UPRT: variants seen among roughly 807,000 people sequenced by gnomAD.
The protein encoded by UPRT is RP11-311P8.3.
A neutral mutation model predicts 22.6 loss-of-function variants in UPRT; 5 were observed. The observed-to-expected ratio is 0.22, with a 90% CI of 0.12 to 0.47. The LOEUF is 0.47. UPRT is among the 20% of genes least tolerant of loss of function. UPRT has a pLI of 0.99. For synonymous variants in UPRT, 77 were observed against 87.7 expected (o/e 0.88, Z 0.68); for missense variants, 181 against 239.9 (o/e 0.75, Z 1.62).
intron 2 of UPRT, 114 bp from the exon 3 acceptor site, chrX:75,296,228 G>T: frequency 1.4e-6 from 1 of 704,028 alleles, no homozygotes; most frequent in Non-Finnish European, 2.1e-6. Flanking sequence ...GCCTCCACAA[G>T]TGAAACCTTT....
intron 4 of UPRT, among the ~76,000 whole-genome samples, chrX:75,185,285 T>G (rs1460106909): frequency 1.0e-3 from 114 of 112,062 alleles, no homozygotes; most frequent in Non-Finnish European, 6.4e-4. Flanking sequence ...TAATCATGTG[T>G]TTTTTGTCTT....
At chrX:75,219,238 A>G (rs2082403014) in intron 4 of UPRT, among the ~76,000 whole-genome samples, 1 of 111,926 alleles carries the variant, frequency 8.9e-6, no homozygotes, top group African/African-American at 3.2e-5. Flanking sequence ...TAAGTAGTCC[A>G]TAAGGATCTC....
chrX:75,156,812 C>A, intron 1 of UPRT: 1 of 313,472 alleles, frequency 3.2e-6, no homozygotes, highest in Non-Finnish European at 6.1e-6. Context: ...GCTTTTCTGT[C>A]CTGTAAGGAC....
chrX:75,218,743 A>T (rs1467578318), intron 4 of UPRT, among the ~76,000 whole-genome samples: 1 of 102,338 alleles, frequency 9.8e-6, no homozygotes, highest in Non-Finnish European at 2.0e-5. Flanking sequence ...TTGTAGGGAC[A>T]TGGATGAAAT....
intron 4 of UPRT, among the ~76,000 whole-genome samples, chrX:75,266,231 C>G (rs775215990): frequency 9.0e-6 from 1 of 111,109 alleles, no homozygotes; most frequent in African/African-American, 3.3e-5. Flanking sequence ...GGTTCTGGTA[C>G]CAAAACAGAG....
At chrX:75,168,191 T>C (rs1013532367) in intron 4 of UPRT, among the ~76,000 whole-genome samples, 1 of 112,321 alleles carries the variant, frequency 8.9e-6, no homozygotes, top group African/African-American at 3.2e-5. Context: ...TGTAGTAAAT[T>C]GATGCCTACA....
At chrX:75,247,137 G>C (rs2082509535) in intron 4 of UPRT, among the ~76,000 whole-genome samples, 1 of 110,951 alleles carries the variant, frequency 9.0e-6, no homozygotes. Flanking sequence ...AAAAAAAACA[G>C]AGCTCCCAGC....
intron 4 of UPRT, among the ~76,000 whole-genome samples, chrX:75,177,936 G>A (rs1359185889): frequency 8.9e-6 from 1 of 112,477 alleles, no homozygotes; most frequent in South Asian, 3.7e-4. Context: ...GAGGTGAGAG[G>A]AAGTTTCTCT....
intron 4 of UPRT, among the ~76,000 whole-genome samples, chrX:75,261,831 G>A: frequency 9.0e-6 from 1 of 111,523 alleles, no homozygotes; most frequent in Non-Finnish European, 1.9e-5. Context: ...CCACGATCAG[G>A]TGGGCTTCAT....
At chrX:75,297,257 A>G (rs1490128198) in intron 3 of UPRT, among the ~76,000 whole-genome samples, 1 of 111,813 alleles carries the variant, frequency 8.9e-6, no homozygotes, top group East Asian at 2.8e-4. Context: ...TCCTATTCCC[A>G]TTCAATGAAG....
chrX:75,258,473 G>T (rs2082556704), intron 4 of UPRT, among the ~76,000 whole-genome samples: 1 of 110,797 alleles, frequency 9.0e-6, no homozygotes, highest in African/African-American at 3.3e-5. Flanking sequence ...ATGAGTAGGA[G>T]GTTTTACTCT....
chrX:75,164,522 A>G (rs1209402170), intron 3 of UPRT, among the ~76,000 whole-genome samples: 1 of 112,185 alleles, frequency 8.9e-6, no homozygotes, highest in Non-Finnish European at 1.9e-5. Context: ...TGAAAAAAAC[A>G]AAAAATACCA....
intron 4 of UPRT, among the ~76,000 whole-genome samples, chrX:75,201,972 C>A (rs1469764869): frequency 2.7e-5 from 3 of 111,430 alleles, no homozygotes; most frequent in Non-Finnish European, 5.6e-5. Flanking sequence ...AAAATAAAAA[C>A]TTTAAACCTC....
At position 75,274,514 on chromosome X, in the gene UPRT, G is replaced by C. The variant is rs1272712520; in HGVS notation, c.260G>C (p.Ser87Thr). ...AACAGTGGTAGTGGTGACAGTAGCA[G>C]CTATGACGCACCAGCTGGCAACTCC... ...EGNSGSGDSS[S>T]YDAPAGNSFL... Residue 87 changes from serine to threonine, a missense_variant, in exon 1 of 7, where the codon AGC becomes ACC. Transcript: ENST00000373383. 7.4e-6 allele frequency: 9 copies of C among 1,210,097 alleles called. No homozygotes were observed. The Admixed American group carries it at 2.0e-4, about 26-fold the overall frequency.
chrX:75,282,493 A>T (rs1307656573), intron 1 of UPRT, among the ~76,000 whole-genome samples: 1 of 111,126 alleles, frequency 9.0e-6, no homozygotes, highest in African/African-American at 3.3e-5. Flanking sequence ...ATTCAGTTTG[A>T]AGAATTTTTA....
At chrX:75,229,399 A>G (rs2082431768) in intron 4 of UPRT, among the ~76,000 whole-genome samples, 1 of 112,268 alleles carries the variant, frequency 8.9e-6, no homozygotes, top group Non-Finnish European at 1.9e-5. Flanking sequence ...AGTAAAGAAG[A>G]TGAGATATAC....
At chrX:75,180,692 T>TG (rs2082266909) in intron 4 of UPRT, among the ~76,000 whole-genome samples, 1 of 41,766 alleles carries the variant, frequency 2.4e-5, no homozygotes, top group Non-Finnish European at 5.2e-5. Flanking sequence ...TTTTTTTTTT[T>TG]TTGTTTTTTT....
At chrX:75,170,656 T>G (rs1427654880) in intron 4 of UPRT, among the ~76,000 whole-genome samples, 1 of 111,701 alleles carries the variant, frequency 9.0e-6, no homozygotes, top group Non-Finnish European at 1.9e-5. Flanking sequence ...TTTTATTGTG[T>G]TATTGTTTTA....
At chrX:75,213,309 AT>A (rs764419297) in intron 4 of UPRT, among the ~76,000 whole-genome samples, 1 of 112,374 alleles carries the variant, frequency 8.9e-6, no homozygotes, top group Admixed American at 9.5e-5. Context: ...ATATGCGTGC[AT>A]TTTGGTCTGA....
Sources: allele counts gnomAD v4.1 joint callset (sites outside exome capture counted in the v4.1 genomes callset), GRCh38; gene constraint gnomAD v4.1.1; transcripts MANE v1.5; gene names NCBI Gene and HGNC (gene_info 2026-07-23, HGNC 2026-07-21).